CTNNAL1: variants seen among roughly 807,000 people sequenced by gnomAD.
The protein encoded by CTNNAL1 is catenin alpha like 1.
A neutral mutation model predicts 93.6 loss-of-function variants in CTNNAL1; 69 were observed. That is an observed-to-expected ratio of 0.74 (90% CI 0.61 to 0.90). The LOEUF is 0.90. CTNNAL1 is among the 40% of genes least tolerant of loss of function. The pLI is 0.00. For missense variants in CTNNAL1, 836 were observed against 862.0 expected (o/e 0.97, Z 0.38); for synonymous variants, 286 against 305.4 (o/e 0.94, Z 0.66).
chr9:108,998,426 C>T (rs1832102646), intron 2 of CTNNAL1, among the ~76,000 whole-genome samples: 8 of 151,526 alleles, frequency 5.3e-5, no homozygotes, highest in Admixed American at 5.3e-4. Flanking sequence ...CACCACCTGA[C>T]ATTACATATA....
intron 2 of CTNNAL1, among the ~76,000 whole-genome samples, chr9:108,995,389 T>C (rs1831979290): frequency 6.6e-6 from 1 of 152,196 alleles, no homozygotes; most frequent in Non-Finnish European, 1.5e-5. Context: ...ATTCAACCTT[T>C]CCTTTTTCTG....
At chr9:108,975,084 A>G (rs1199352706) in intron 8 of CTNNAL1, among the ~76,000 whole-genome samples, 1 of 151,640 alleles carries the variant, frequency 6.6e-6, no homozygotes, top group African/African-American at 2.4e-5. Context: ...AATCGCTTGA[A>G]CCCCTGAGGT....
intron 9 of CTNNAL1, among the ~76,000 whole-genome samples, chr9:108,972,190 C>G (rs1250506970): frequency 6.6e-6 from 1 of 152,140 alleles, no homozygotes; most frequent in Non-Finnish European, 1.5e-5. Context: ...ATTCCACATT[C>G]CCCTGCTGAT....
chr9:109,008,044 G>T (rs1354734555), intron 1 of CTNNAL1, among the ~76,000 whole-genome samples: 1 of 151,080 alleles, frequency 6.6e-6, no homozygotes, highest in East Asian at 1.9e-4. Flanking sequence ...ATCATTATAT[G>T]AACATAGCAC....
rs1247855313 is a variant in CTNNAL1 at position 108,983,442 on chromosome 9, C to T, written c.730-127G>A. 3.7e-6 allele frequency: 4 copies of T among 1,080,830 alleles called. No individual in the cohort carries two copies. The African/African-American group carries it at 4.9e-5, about 13-fold the overall frequency. 67.0% of individuals were successfully genotyped at this position (1,080,830 alleles called of 1,614,324 possible). ...CAAAATCTCCTGGGTCCCTGGCTCA[C>T]TCAGCTGCTTCTCCTCACTAAAGTG... is the stretch of plus-strand genomic sequence containing the variant. On this transcript the variant is annotated intron_variant, in intron 5 of 18. Coordinates refer to ENST00000325551, the MANE Select transcript of CTNNAL1 (RefSeq NM_003798.4).
intron 7 of CTNNAL1, 74 bp from the exon 8 acceptor site, chr9:108,977,122 T>G: frequency 1.6e-6 from 1 of 622,238 alleles, no homozygotes; most frequent in East Asian, 3.4e-5. Context: ...TTGTTTGGAC[T>G]GTAAATTGTA....
chr9:108,995,817 T>C (rs1831995364), intron 2 of CTNNAL1, among the ~76,000 whole-genome samples: 1 of 152,184 alleles, frequency 6.6e-6, no homozygotes, highest in African/African-American at 2.4e-5. Flanking sequence ...ATGCATTATA[T>C]CAAAACACCT....
At chr9:108,987,724 C>T (rs1004210043) in intron 4 of CTNNAL1, among the ~76,000 whole-genome samples, 2 of 152,140 alleles carry the variant, frequency 1.3e-5, no homozygotes, top group Admixed American at 6.5e-5. Flanking sequence ...GTTTGTAGTT[C>T]TCCTTGAAGA....
intron 11 of CTNNAL1, among the ~76,000 whole-genome samples, chr9:108,958,992 G>T (rs1428021412): frequency 2.6e-5 from 4 of 151,722 alleles, no homozygotes; most frequent in Non-Finnish European, 4.4e-5. Flanking sequence ...AGCCAGGCAC[G>T]GTGGCTCATG....
At chr9:108,994,692 C>T (rs542494913) in intron 2 of CTNNAL1, among the ~76,000 whole-genome samples, 13 of 152,278 alleles carry the variant, frequency 8.5e-5, no homozygotes, top group African/African-American at 2.4e-4. Flanking sequence ...ATGATCCCCA[C>T]CTACTGTTAT....
chr9:108,970,548 C>A, intron 9 of CTNNAL1, 54 bp from the exon 10 acceptor site: 1 of 1,425,024 alleles, frequency 7.0e-7, no homozygotes, highest in Non-Finnish European at 9.3e-7. Flanking sequence ...CTCCACAATA[C>A]ATAGTATCAT....
chr9:109,002,541 C>T (rs1159188800), intron 1 of CTNNAL1, among the ~76,000 whole-genome samples: 3 of 152,122 alleles, frequency 2.0e-5, no homozygotes, highest in Non-Finnish European at 4.4e-5. Flanking sequence ...TACCGATGAA[C>T]TGGGAGATCT....
chr9:108,986,489 C>T (rs1285956064), intron 4 of CTNNAL1, among the ~76,000 whole-genome samples: 7 of 151,654 alleles, frequency 4.6e-5, no homozygotes, highest in African/African-American at 9.7e-5. Flanking sequence ...AATAAACATA[C>T]GTGTGCATGT....
intron 15 of CTNNAL1, 74 bp downstream of exon 15, chr9:108,948,112 T>A (rs975168436): frequency 1.3e-6 from 2 of 1,493,140 alleles, no homozygotes. Context: ...ATATAATAAA[T>A]CATCTGGAAA....
intron 1 of CTNNAL1, among the ~76,000 whole-genome samples, chr9:109,010,839 C>T (rs867407685): frequency 6.6e-6 from 1 of 152,242 alleles, no homozygotes; most frequent in Middle Eastern, 3.4e-3. Flanking sequence ...ACCTCAAAAC[C>T]CTGCCTCCTC....
chr9:108,947,440 A>T (rs1830439847), intron 15 of CTNNAL1, among the ~76,000 whole-genome samples: 1 of 152,174 alleles, frequency 6.6e-6, no homozygotes, highest in Non-Finnish European at 1.5e-5. Flanking sequence ...CAAATCTCAG[A>T]TGTACATGGG....
intron 2 of CTNNAL1, among the ~76,000 whole-genome samples, chr9:108,996,342 G>A (rs1307455937): frequency 1.3e-5 from 2 of 152,102 alleles, no homozygotes; most frequent in African/African-American, 4.8e-5. Context: ...GATTCGTAGG[G>A]GTTGAGTGGG....
At chr9:109,013,197 G>A (rs1827262663) in intron 1 of CTNNAL1, 105 bp downstream of exon 1, 1 of 1,322,458 alleles carries the variant, frequency 7.6e-7, no homozygotes, top group Non-Finnish European at 9.8e-7. Context: ...GTGCCGGCGC[G>A]GAAAGTGGGG....
chr9:108,992,210 G>A (rs1831836154), intron 3 of CTNNAL1: 3 of 560,192 alleles, frequency 5.4e-6, no homozygotes, highest in Non-Finnish European at 9.4e-6. Context: ...CTTAACAAGT[G>A]GATAATGATT....
Sources: allele counts gnomAD v4.1 joint callset (sites outside exome capture counted in the v4.1 genomes callset), GRCh38; gene constraint gnomAD v4.1.1; transcripts MANE v1.5; gene names NCBI Gene and HGNC (gene_info 2026-07-23, HGNC 2026-07-21).